The following UNC79 variants were observed in gnomAD, a reference collection of about 807,000 sequenced individuals.
UNC79 encodes protein unc-79 homolog.
UNC79 carries 37 observed loss-of-function variants against 283.1 expected under a neutral mutation model. That is an observed-to-expected ratio of 0.13 (90% confidence interval 0.10 to 0.17). The LOEUF is 0.17. Among genes scored for constraint, UNC79 ranks in the 10% least tolerant of loss-of-function variants. UNC79 has a pLI of 1.00. For synonymous variants in UNC79, 1,107 were observed against 1,200.2 expected (o/e 0.92, Z 1.61); for missense variants, 2,272 against 3,211.1 (o/e 0.71, Z 7.07).
chr14:93,575,669 G>A (rs74435323), intron 17 of UNC79, among the ~76,000 whole-genome samples: 1,641 of 152,222 alleles, frequency 0.011, 29 homozygotes, highest in African/African-American at 0.038. Flanking sequence ...TGACCCCTTT[G>A]CATCATTGTA....
At chr14:93,704,009 C>T (rs867650048) in intron 47 of UNC79, among the ~76,000 whole-genome samples, 2 of 152,198 alleles carry the variant, frequency 1.3e-5, no homozygotes, top group Non-Finnish European at 2.9e-5. Context: ...GACCTCCTCC[C>T]AGGAAGGACC....
chr14:93,706,731 C>A, exon 49 of UNC79: 1 of 1,614,268 alleles, frequency 6.2e-7, no homozygotes, highest in Non-Finnish European at 8.5e-7. Context: ...CCAGCTTCGC[C>A]TCCAGGCTAT....
chr14:93,541,365 G>A (rs1447364940), intron 13 of UNC79, among the ~76,000 whole-genome samples: 1 of 152,182 alleles, frequency 6.6e-6, no homozygotes, highest in Non-Finnish European at 1.5e-5. Context: ...CTATTCAGTA[G>A]AGATCAAACA....
intron 11 of UNC79, among the ~76,000 whole-genome samples, chr14:93,533,322 A>G (rs897668693): frequency 1.3e-5 from 2 of 152,206 alleles, no homozygotes; most frequent in African/African-American, 2.4e-5. Context: ...TGGATGCATA[A>G]CAAACCATCT....
chr14:93,367,393 G>T (rs966731096), intron 1 of UNC79, among the ~76,000 whole-genome samples: 2 of 152,090 alleles, frequency 1.3e-5, no homozygotes, highest in African/African-American at 4.8e-5. Flanking sequence ...AGCAGGGAAG[G>T]CTATAAATAC....
intron 4 of UNC79, among the ~76,000 whole-genome samples, chr14:93,481,004 G>A (rs368243543): frequency 6.6e-6 from 1 of 152,148 alleles, no homozygotes; most frequent in Non-Finnish European, 1.5e-5. Context: ...ATAAAGTTCT[G>A]ATCTTTGAAG....
intron 7 of UNC79, 96 bp downstream of exon 7, chr14:93,497,382 A>C: frequency 7.1e-7 from 1 of 1,405,046 alleles, no homozygotes; most frequent in Non-Finnish European, 9.3e-7. Context: ...TTGCTGGATT[A>C]TATTTTCTAT....
rs1193184173 is a variant in UNC79 at position 93,529,196 on chromosome 14, C to G, written c.1053-90C>G. 15 of 1,338,100 alleles carry G rather than the reference C, an allele frequency of 1.1e-5. No individual in the cohort carries two copies. The East Asian group carries it at 3.3e-4, about 30-fold the overall frequency. The allele number at this position is 1,338,100 out of a possible 1,614,324, so 82.9% of individuals were successfully genotyped here. A position where few individuals can be genotyped will look rare whatever the true frequency, so the allele number is the denominator to read the frequency against. ...ATTATACTTCCTTTCTATTAAAAGC[C>G]TTTCAGCACTAGTGTGCAGCTTATA... On this transcript the variant is annotated intron_variant, in intron 9 of 48. Transcript: ENST00000555664.
At chr14:93,519,899 TA>T (rs2060243638) in intron 7 of UNC79, among the ~76,000 whole-genome samples, 1 of 151,858 alleles carries the variant, frequency 6.6e-6, no homozygotes, top group Admixed American at 6.6e-5. Context: ...TCATTATAAT[TA>T]TTTTTTGTTT....
chr14:93,648,313 A>G (rs1433920247), intron 35 of UNC79, among the ~76,000 whole-genome samples: 4 of 151,948 alleles, frequency 2.6e-5, no homozygotes, highest in Admixed American at 6.6e-5. Context: ...AATTTTGAGG[A>G]CCCCTCTGGC....
chr14:93,597,890 A>G (rs2065188861), intron 24 of UNC79, among the ~76,000 whole-genome samples: 1 of 152,142 alleles, frequency 6.6e-6, no homozygotes, highest in Non-Finnish European at 1.5e-5. Flanking sequence ...CCTTGCACAC[A>G]TTTTCAGACC....
At chr14:93,513,153 A>G (rs2059903576) in intron 7 of UNC79, among the ~76,000 whole-genome samples, 1 of 151,684 alleles carries the variant, frequency 6.6e-6, no homozygotes, top group African/African-American at 2.4e-5. Context: ...ACTTGTACAT[A>G]TTTTTGTTTT....
At chr14:93,696,853 T>C (rs1033335983) in intron 47 of UNC79, among the ~76,000 whole-genome samples, 14 of 152,358 alleles carry the variant, frequency 9.2e-5, no homozygotes, top group African/African-American at 3.1e-4. Flanking sequence ...CCAAAAATAA[T>C]AAAGAGTTTT....
chr14:93,457,540 T>C (rs931084297), intron 1 of UNC79, among the ~76,000 whole-genome samples: 3 of 152,154 alleles, frequency 2.0e-5, no homozygotes, highest in African/African-American at 4.8e-5. Context: ...GATCATGAGT[T>C]AGAGTTTTTG....
At chr14:93,498,218 G>A (rs2059110900) in intron 7 of UNC79, among the ~76,000 whole-genome samples, 1 of 151,782 alleles carries the variant, frequency 6.6e-6, no homozygotes, top group African/African-American at 2.4e-5. Flanking sequence ...AATGAGCCAA[G>A]ATTGTGCCAC....
chr14:93,662,632 T>C (rs1168004082), exon 40 of UNC79: 1 of 1,609,988 alleles, frequency 6.2e-7, no homozygotes, highest in Non-Finnish European at 8.5e-7. Context: ...TCAAAACTGC[T>C]CAGCTTTGTA....
intron 7 of UNC79, among the ~76,000 whole-genome samples, chr14:93,507,938 G>A (rs1440964549): frequency 6.6e-6 from 1 of 151,968 alleles, no homozygotes; most frequent in Non-Finnish European, 1.5e-5. Flanking sequence ...GCCCTTTGTT[G>A]AAAAGATTAT....
chr14:93,492,568 G>A (rs1042890061), intron 5 of UNC79, among the ~76,000 whole-genome samples: 1 of 152,106 alleles, frequency 6.6e-6, no homozygotes, highest in African/African-American at 2.4e-5. Flanking sequence ...TTGCCAGACT[G>A]GCCTCGAACT....
rs549361227 is a variant in UNC79, at chr14:93,418,022, C to T, written c.-350-49649C>T. Among the ~76,000 whole-genome samples, 112 of 152,018 alleles carry T rather than the reference C, an allele frequency of 7.4e-4. 2 individuals carry two copies. The highest frequency in any genetic ancestry group is 3.4e-3 in the Middle Eastern group (1 of 294). On this transcript the variant is annotated intron_variant, in intron 1 of 49. Transcript: ENST00000256339. ...CGTCTGAAGCCTTCTCTCAACTCGT[C>T]AAAGTCATTCTCTGTCCAGCTTTGT...
Sources: gnomAD v4.1 joint callset for allele counts (sites outside exome capture counted in the v4.1 genomes callset) on GRCh38, gnomAD v4.1.1 for gene constraint, MANE v1.5 for transcripts, NCBI Gene and HGNC (gene_info 2026-07-23, HGNC 2026-07-21) for gene names.